Variants in SPPL2A observed in about 807,000 individuals in gnomAD.
SPPL2A encodes the protein signal peptide peptidase-like 2A.
A neutral mutation model predicts 63.8 loss-of-function variants in SPPL2A; 51 were observed. The observed-to-expected ratio is 0.80, with a 90% CI of 0.64 to 1.01. The LOEUF is 1.01. SPPL2A is among the 50% of genes least tolerant of loss of function. SPPL2A has a pLI of 0.00. For synonymous variants in SPPL2A, 188 were observed against 205.8 expected (o/e 0.91, Z 0.74); for missense variants, 553 against 622.7 (o/e 0.89, Z 1.19).
At chr15:50,708,485 A>T (rs981374470) in intron 14 of SPPL2A, among the ~76,000 whole-genome samples, 3 of 152,060 alleles carry the variant, frequency 2.0e-5, no homozygotes, top group African/African-American at 7.2e-5. Context: ...AGATGGGCAG[A>T]TCATGAGGTC....
At chr15:50,733,016 A>G (rs999702393) in intron 8 of SPPL2A, among the ~76,000 whole-genome samples, 1 of 152,118 alleles carries the variant, frequency 6.6e-6, no homozygotes, top group Non-Finnish European at 1.5e-5. Flanking sequence ...CATATACTCT[A>G]TATTTGGTAA....
chr15:50,765,367 G>C, intron 1 of SPPL2A, 101 bp downstream of exon 1: 1 of 844,458 alleles, frequency 1.2e-6, no homozygotes, highest in Non-Finnish European at 1.7e-6. Flanking sequence ...GGAGGTGCGG[G>C]CAGAGGGGAG....
intron 8 of SPPL2A, among the ~76,000 whole-genome samples, chr15:50,734,431 G>A (rs2062754607): frequency 6.6e-6 from 1 of 152,098 alleles, no homozygotes; most frequent in Non-Finnish European, 1.5e-5. Flanking sequence ...AATATTGCAT[G>A]TTCTCACTCA....
At chr15:50,722,881 T>C (rs975072195) in intron 12 of SPPL2A, among the ~76,000 whole-genome samples, 4 of 152,098 alleles carry the variant, frequency 2.6e-5, no homozygotes, top group African/African-American at 9.7e-5. Context: ...ACCTGTGAAA[T>C]GGGAGAAAAT....
At chr15:50,727,456 G>A (rs747437415) in intron 10 of SPPL2A, among the ~76,000 whole-genome samples, 7 of 152,170 alleles carry the variant, frequency 4.6e-5, no homozygotes, top group Non-Finnish European at 8.8e-5. Flanking sequence ...CAGATTCCCA[G>A]GTTGTGATAA....
In SPPL2A at chr15:50,725,210, C is replaced by T. The variant is rs762426304; in HGVS notation, c.1249+11G>A. ...TTTTTTTTTTTAACTAAAATTGTTA[C>T]AATTGCTTACCTGGTACAATAATGT... On this transcript the variant is annotated intron_variant, in intron 12 of 14. Coordinates refer to ENST00000261854, the MANE Select transcript of SPPL2A (RefSeq NM_032802.4). The T allele has an allele frequency of 2.1e-6, 3 of 1,422,236 alleles. No homozygotes were observed. The highest frequency in any genetic ancestry group is 9.8e-7 in the Non-Finnish European group (1 of 1,018,914). 88.1% of individuals were successfully genotyped at this position (1,422,236 alleles called of 1,614,324 possible). A position where few individuals can be genotyped will look rare whatever the true frequency, so the allele number is the denominator to read the frequency against.
At chr15:50,756,356 C>CA (rs34922256) in intron 1 of SPPL2A, among the ~76,000 whole-genome samples, 3,341 of 62,714 alleles carry the variant, frequency 0.053, 78 homozygotes, top group Admixed American at 0.058. Context: ...GACTCCGTCT[C>CA]AAAAAAAAAA....
intron 14 of SPPL2A, among the ~76,000 whole-genome samples, chr15:50,712,729 G>C (rs1435694657): frequency 7.2e-6 from 1 of 138,560 alleles, no homozygotes; most frequent in Non-Finnish European, 1.5e-5. Context: ...ACCCAGGCTG[G>C]AGTGCAGTGA....
intron 2 of SPPL2A, among the ~76,000 whole-genome samples, chr15:50,749,086 C>T (rs1436333618): frequency 6.6e-6 from 1 of 152,154 alleles, no homozygotes; most frequent in Non-Finnish European, 1.5e-5. Flanking sequence ...AACAACCGTA[C>T]ATGACAATGG....
At chr15:50,714,705 G>A (rs893713067) in intron 14 of SPPL2A, among the ~76,000 whole-genome samples, 3 of 151,232 alleles carry the variant, frequency 2.0e-5, no homozygotes, top group African/African-American at 7.3e-5. Flanking sequence ...ACTTTGGGAG[G>A]CCAAGGCAGG....
At chr15:50,756,722 T>C (rs552008447) in intron 1 of SPPL2A, among the ~76,000 whole-genome samples, 51 of 152,008 alleles carry the variant, frequency 3.4e-4, no homozygotes, top group Non-Finnish European at 5.9e-4. Flanking sequence ...CCCATATCAA[T>C]TGACAAAAAT....
intron 12 of SPPL2A, among the ~76,000 whole-genome samples, chr15:50,724,733 C>T (rs2062672910): frequency 6.6e-6 from 1 of 152,188 alleles, no homozygotes. Context: ...TCAGAGCAGA[C>T]ATGCTAAGAG....
chr15:50,715,792 C>T (rs548562171), intron 14 of SPPL2A, among the ~76,000 whole-genome samples: 1 of 152,030 alleles, frequency 6.6e-6, no homozygotes, highest in African/African-American at 2.4e-5. Context: ...ATAATATTAA[C>T]CTACAAGACA....
intron 1 of SPPL2A, among the ~76,000 whole-genome samples, chr15:50,764,287 T>A (rs1456040003): frequency 6.6e-6 from 1 of 152,244 alleles, no homozygotes; most frequent in Non-Finnish European, 1.5e-5. Flanking sequence ...ATTATCTGTC[T>A]GATTACACAG....
At chr15:50,726,008 G>C (rs1189321393) in intron 11 of SPPL2A, 10 of 1,071,962 alleles carry the variant, frequency 9.3e-6, no homozygotes, top group Middle Eastern at 2.3e-4. Context: ...TTCCCCCAAA[G>C]AAGAGTCTTG....
chr15:50,755,716 T>C (rs927982694), intron 1 of SPPL2A, among the ~76,000 whole-genome samples: 7 of 150,486 alleles, frequency 4.7e-5, no homozygotes, highest in African/African-American at 1.7e-4. Context: ...TCAGAAGTTC[T>C]GACCAATTTA....
intron 14 of SPPL2A, among the ~76,000 whole-genome samples, chr15:50,708,397 T>C (rs374914831): frequency 2.6e-5 from 4 of 152,054 alleles, no homozygotes; most frequent in South Asian, 4.1e-4. Flanking sequence ...ATATGATATC[T>C]GAAAACAAAA....
At chr15:50,746,993 G>A (rs1232277563) in intron 5 of SPPL2A, among the ~76,000 whole-genome samples, 1 of 152,146 alleles carries the variant, frequency 6.6e-6, no homozygotes, top group Non-Finnish European at 1.5e-5. Flanking sequence ...AAAAGTGACA[G>A]TAGTACCATT....
At chr15:50,740,447 A>AAAAAAAG (rs2062811136) in intron 5 of SPPL2A, among the ~76,000 whole-genome samples, 1 of 128,306 alleles carries the variant, frequency 7.8e-6, no homozygotes, top group Non-Finnish European at 1.7e-5. Context: ...AAAAAAAAAG[A>AAAAAAAG]AAAAAAAAAG....
Sources: gnomAD v4.1 joint callset for allele counts (sites outside exome capture counted in the v4.1 genomes callset) on GRCh38, gnomAD v4.1.1 for gene constraint, MANE v1.5 for transcripts, NCBI Gene and HGNC (gene_info 2026-07-23, HGNC 2026-07-21) for gene names.